Variants in FRMD3 observed in about 807,000 individuals in gnomAD.
FRMD3 encodes the protein FERM domain-containing protein 3.
In FRMD3, 33 loss-of-function variants were observed where a neutral mutation model predicts 70.2. That is an observed-to-expected ratio of 0.47 (90% confidence interval 0.36 to 0.63). FRMD3 has a LOEUF of 0.63. Among genes scored for constraint, FRMD3 ranks in the 20% least tolerant of loss-of-function variants. The pLI is 0.00. For missense variants in FRMD3, 632 were observed against 711.4 expected (o/e 0.89, Z 1.27); for synonymous variants, 279 against 255.9 (o/e 1.09, Z -0.86).
intron 1 of FRMD3, among the ~76,000 whole-genome samples, chr9:83,419,831 T>C (rs566281709): frequency 2.6e-4 from 40 of 152,346 alleles, no homozygotes; most frequent in African/African-American, 9.1e-4. Context: ...TGTTTTACAA[T>C]TGTTGTTGTT....
chr9:83,264,829 TC>T (rs1160623512), intron 13 of FRMD3, among the ~76,000 whole-genome samples: 1 of 149,692 alleles, frequency 6.7e-6, no homozygotes, highest in South Asian at 2.1e-4. Flanking sequence ...GGAAGGTATA[TC>T]CCTATACCAT....
chr9:83,380,507 T>C (rs1825320754), intron 2 of FRMD3, among the ~76,000 whole-genome samples: 2 of 152,182 alleles, frequency 1.3e-5, no homozygotes, highest in African/African-American at 2.4e-5. Context: ...CACTTAGCCC[T>C]GAGAGATCAT....
At chr9:83,252,587 AGCCAAGACCCATC>A (rs957082522) in intron 13 of FRMD3, among the ~76,000 whole-genome samples, 2 of 152,228 alleles carry the variant, frequency 1.3e-5, no homozygotes, top group African/African-American at 4.8e-5. Context: ...CTGGGAAAAG[AGCCAAGACCCATC>A]AATATGCTGT....
At chr9:83,551,833 T>C in the FRMD3 span, among the ~76,000 whole-genome samples, 7 of 152,170 alleles carry the variant, frequency 4.6e-5, no homozygotes, top group African/African-American at 1.7e-4. Context: ...CCCTTTGTCA[T>C]TTCTAATTGT....
At chr9:83,447,117 T>C (rs913563495) in intron 1 of FRMD3, among the ~76,000 whole-genome samples, 5 of 152,062 alleles carry the variant, frequency 3.3e-5, no homozygotes, top group African/African-American at 7.2e-5. Flanking sequence ...TCTGCCTCCC[T>C]GGTTCAAGCG....
intron 1 of FRMD3, among the ~76,000 whole-genome samples, chr9:83,522,864 G>A (rs564013147): frequency 6.6e-6 from 1 of 152,122 alleles, no homozygotes; most frequent in South Asian, 2.1e-4. Flanking sequence ...CGCCCAGCCC[G>A]ATATATTTTT....
At chr9:83,339,268 A>G (rs757114324) in intron 5 of FRMD3, among the ~76,000 whole-genome samples, 4 of 152,200 alleles carry the variant, frequency 2.6e-5, no homozygotes, top group Non-Finnish European at 4.4e-5. Context: ...GCTTGTCTTT[A>G]ACTCTGACCT....
At chr9:83,426,673 C>T (rs1166921059) in intron 1 of FRMD3, among the ~76,000 whole-genome samples, 4 of 152,156 alleles carry the variant, frequency 2.6e-5, no homozygotes, top group Admixed American at 1.3e-4. Flanking sequence ...GCAAAATGAC[C>T]GGTGTGAGAG....
intron 13 of FRMD3, among the ~76,000 whole-genome samples, chr9:83,268,805 T>G (rs1359912678): frequency 2.6e-5 from 4 of 152,168 alleles, no homozygotes; most frequent in African/African-American, 7.2e-5. Flanking sequence ...GTGAGCAGCC[T>G]CCAGTGTGGC....
At chr9:83,442,185 G>GT (rs1452859940) in intron 1 of FRMD3, among the ~76,000 whole-genome samples, 1 of 150,980 alleles carries the variant, frequency 6.6e-6, no homozygotes, top group East Asian at 2.0e-4. Context: ...AGTGCCAGAT[G>GT]TAAGAGCTTT....
intron 3 of FRMD3, 42 bp from the exon 4 acceptor site, chr9:83,349,799 G>T (rs763997318): frequency 5.4e-6 from 8 of 1,472,192 alleles, no homozygotes; most frequent in Non-Finnish European, 7.6e-6. Context: ...AGCAGCAAAA[G>T]ACCATGGCCT....
the FRMD3 span, among the ~76,000 whole-genome samples, chr9:83,546,893 A>AAAAAAAAAAAAAAAG: frequency 6.7e-6 from 1 of 150,140 alleles, no homozygotes; most frequent in Non-Finnish European, 1.5e-5. Context: ...TCTGTCTCAA[A>AAAAAAAAAAAAAAAG]AAAAAAAAAA....
intron 13 of FRMD3, among the ~76,000 whole-genome samples, chr9:83,257,878 TA>T (rs1165318041): frequency 1.3e-5 from 2 of 152,184 alleles, no homozygotes; most frequent in African/African-American, 4.8e-5. Context: ...ACAGCCCAAT[TA>T]AAATAGATAA....
intron 1 of FRMD3, among the ~76,000 whole-genome samples, chr9:83,485,412 G>T (rs1381174156): frequency 6.6e-6 from 1 of 152,154 alleles, no homozygotes; most frequent in East Asian, 1.9e-4. Flanking sequence ...ACAGTGCATC[G>T]TTCTTTCCTG....
At chr9:83,314,447 T>C (rs1835483352) in intron 6 of FRMD3, among the ~76,000 whole-genome samples, 1 of 152,266 alleles carries the variant, frequency 6.6e-6, no homozygotes, top group Non-Finnish European at 1.5e-5. Flanking sequence ...TCCCCAAGGA[T>C]ATTTATGTAA....
At chr9:83,422,298 T>TC (rs1826670266) in intron 1 of FRMD3, among the ~76,000 whole-genome samples, 1 of 152,218 alleles carries the variant, frequency 6.6e-6, no homozygotes, top group African/African-American at 2.4e-5. Flanking sequence ...AGTCAAAAGA[T>TC]CCAAGTTCCT....
Position 83,537,633 on chromosome 9 carries a change from G to T in FRMD3, c.147+452C>A, listed in dbSNP as rs1040939359. Among the ~76,000 whole-genome samples, 1 of 152,218 alleles carries T rather than the reference G, an allele frequency of 6.6e-6. No homozygotes were observed. Among genetic ancestry groups the T allele is most frequent in the Non-Finnish European group, 1.5e-5 (1 of 68,028 alleles). Reference sequence around the variant, plus strand: ...GACTGAGGGCGTCTCCGGAGCCTGGGCGCGGGAGACAGAAATGAGTGAACC... The same window carrying T: ...GACTGAGGGCGTCTCCGGAGCCTGGTCGCGGGAGACAGAAATGAGTGAACC... On this transcript the variant is annotated intron_variant, in intron 1 of 13. Coordinates refer to ENST00000304195, the MANE Select transcript of FRMD3 (RefSeq NM_174938.6). The surrounding 1 kb of genome is among the most constrained non-coding windows in gnomAD (Gnocchi z 4.1).
intron 6 of FRMD3, among the ~76,000 whole-genome samples, chr9:83,321,318 G>A (rs12377587): frequency 0.17 from 25,897 of 152,062 alleles, 2,266 homozygotes; most frequent in African/African-American, 0.19. Flanking sequence ...GGCGTTTAAT[G>A]CTATAAATTT....
rs56407249 is a variant in FRMD3, at chr9:83,351,323, TACACAC to T, written c.296-1572_296-1567del. On this transcript the variant is annotated intron_variant, in intron 3 of 13. Transcript: ENST00000304195. ...GATCTCAGCAGAGAAAAACTGATCA[TACACAC>T]ACACACACACACACACACACACACT... Among the ~76,000 whole-genome samples the T allele has an allele frequency of 1.0e-4, 15 of 143,874 alleles. No homozygotes were observed. The East Asian group carries it at 1.2e-3, about 12-fold the overall frequency. 94.4% of individuals were successfully genotyped at this position (143,874 alleles called of 152,430 possible).
Sources: allele counts gnomAD v4.1 joint callset (sites outside exome capture counted in the v4.1 genomes callset), GRCh38; gene constraint gnomAD v4.1.1; non-coding constraint Gnocchi (gnomAD v3.1); transcripts MANE v1.5; gene names NCBI Gene and HGNC (gene_info 2026-07-23, HGNC 2026-07-21).